CDH22: variants seen among roughly 807,000 people sequenced by gnomAD.
CDH22 encodes cadherin-22.
In CDH22, 30 loss-of-function variants were observed where a neutral mutation model predicts 58.4. The observed-to-expected ratio is 0.51, with a 90% confidence interval of 0.38 to 0.70. The LOEUF is 0.70. CDH22 is among the 30% of genes least tolerant of loss of function. CDH22 has a pLI of 0.00. For synonymous variants in CDH22, 513 were observed against 558.2 expected (o/e 0.92, Z 1.14); for missense variants, 1,014 against 1,233.9 (o/e 0.82, Z 2.67).
At chr20:46,179,195 G>A (rs1224417869) in intron 10 of CDH22, among the ~76,000 whole-genome samples, 2 of 152,222 alleles carry the variant, frequency 1.3e-5, no homozygotes, top group Non-Finnish European at 1.5e-5. Context: ...AGTGCCCAGA[G>A]CTCCGAAGGC....
intron 10 of CDH22, among the ~76,000 whole-genome samples, chr20:46,185,130 TAC>T (rs11467388): frequency 0.29 from 43,289 of 148,452 alleles, 6,541 homozygotes; most frequent in East Asian, 0.6. Context: ...CCCACACGCA[TAC>T]ACACACACAC....
chr20:46,238,388 G>A (rs1012046177), intron 3 of CDH22, among the ~76,000 whole-genome samples: 1 of 152,172 alleles, frequency 6.6e-6, no homozygotes, highest in Non-Finnish European at 1.5e-5. Context: ...AAAATTGTAT[G>A]CTAAGTTCTT....
chr20:46,273,489 C>T (rs1034719598), intron 1 of CDH22, among the ~76,000 whole-genome samples: 15 of 152,176 alleles, frequency 9.9e-5, no homozygotes, highest in African/African-American at 3.4e-4. Context: ...CATGGCACAT[C>T]GTTATGGCTC....
chr20:46,298,455 AG>A (rs1324378662), intron 1 of CDH22, among the ~76,000 whole-genome samples: 3 of 152,156 alleles, frequency 2.0e-5, no homozygotes, highest in Non-Finnish European at 4.4e-5. Flanking sequence ...AGGGTGAATG[AG>A]GGTGGAGAGA....
intron 8 of CDH22, among the ~76,000 whole-genome samples, chr20:46,197,174 C>T (rs2085910367): frequency 6.6e-6 from 1 of 152,060 alleles, no homozygotes; most frequent in Non-Finnish European, 1.5e-5. Context: ...TGCCAGTGCA[C>T]ATCTTTGGCA....
chr20:46,176,166 C>T (rs994618956), intron 11 of CDH22, among the ~76,000 whole-genome samples: 1 of 152,152 alleles, frequency 6.6e-6, no homozygotes, highest in Admixed American at 6.5e-5. Context: ...ATTCAGACCT[C>T]GGTTCTGTGT....
At position 46,174,854 on chromosome 20, in the gene CDH22, GC is replaced by G. The variant is rs1568646867; in HGVS notation, c.2138del (p.Gly713AlafsTer191). ...GGGGGCTGCCCGCGCCCCCGCCCGA[GC>G]CCCCGCCCGCTCCCCCGCCCGCGCT... Reference protein sequence around the residue: ...GGSAGGGAGGGSGGGAGSPPQ... With the variant: ...GGSAGGGAGGXSGGGAGSPPQ... On this transcript the variant is annotated frameshift_variant, in exon 12 of 12. Transcript: ENST00000537909. LOFTEE classifies it low-confidence loss of function (END_TRUNC). This position sits in a 1 kb window ranked among gnomAD's most constrained non-coding sequence, Gnocchi z 4.4. 2 of 1,113,824 alleles carry G rather than the reference GC, an allele frequency of 1.8e-6. No homozygotes were observed. The highest frequency in any genetic ancestry group is 2.3e-6 in the Non-Finnish European group (2 of 858,972). 69.0% of individuals were successfully genotyped at this position (1,113,824 alleles called of 1,614,324 possible).
intron 1 of CDH22, among the ~76,000 whole-genome samples, chr20:46,268,375 C>G (rs1053762694): frequency 3.9e-5 from 6 of 152,252 alleles, no homozygotes; most frequent in Admixed American, 6.5e-5. Context: ...CAGCTCATCT[C>G]CCGCAGCTCC....
Position 46,210,378 on chromosome 20 carries a change from C to A in CDH22, c.1215G>T (p.Glu405Asp). The A allele has an allele frequency of 6.8e-7, 1 of 1,476,718 alleles. No individual in the cohort carries two copies. Among genetic ancestry groups the A allele is most frequent in the Non-Finnish European group, 9.0e-7 (1 of 1,117,186 alleles). 91.5% of individuals were successfully genotyped at this position (1,476,718 alleles called of 1,614,324 possible). Residue 405 changes from glutamate to aspartate, a missense_variant, in exon 7 of 12, where the codon GAG becomes GAT. Glu to Asp is a conservative substitution (Grantham distance 45, BLOSUM62 2). Transcript: ENST00000537909. This position sits in a 1 kb window ranked among gnomAD's most constrained non-coding sequence, Gnocchi z 4.5. The part of the protein sequence containing the change: ...RPPSGLLEVQ[E>D]DAQVGSLVGV... Reference sequence around the variant, plus strand: ...CGACCAGGGAGCCCACCTGCGCGTCCTCCTGCACCTCCAGGAGGCCGGAGG... The same window carrying A: ...CGACCAGGGAGCCCACCTGCGCGTCATCCTGCACCTCCAGGAGGCCGGAGG...
intron 1 of CDH22, among the ~76,000 whole-genome samples, chr20:46,304,897 A>G (rs982235178): frequency 4.6e-5 from 7 of 152,166 alleles, no homozygotes; most frequent in Non-Finnish European, 8.8e-5. Flanking sequence ...TTTGCAAATT[A>G]GAGAAAGATG....
At chr20:46,284,698 A>G (rs1467538538) in intron 1 of CDH22, among the ~76,000 whole-genome samples, 2 of 152,180 alleles carry the variant, frequency 1.3e-5, no homozygotes, top group African/African-American at 4.8e-5. Context: ...CCAAGGCCAC[A>G]GGGCTGTAGA....
At chr20:46,217,925 C>T (rs1388472426) in intron 4 of CDH22, among the ~76,000 whole-genome samples, 1 of 150,634 alleles carries the variant, frequency 6.6e-6, no homozygotes, top group Non-Finnish European at 1.5e-5. Context: ...TTTCTTTTTT[C>T]TTTTCTTTCT....
intron 4 of CDH22, among the ~76,000 whole-genome samples, chr20:46,218,537 G>A (rs1463275154): frequency 6.6e-6 from 1 of 152,184 alleles, no homozygotes; most frequent in Non-Finnish European, 1.5e-5. Context: ...GTGGTGTATG[G>A]ACATAAGAAC....
intron 2 of CDH22, among the ~76,000 whole-genome samples, chr20:46,242,332 G>C (rs540445118): frequency 2.0e-5 from 3 of 152,220 alleles, no homozygotes; most frequent in Non-Finnish European, 4.4e-5. Flanking sequence ...CCTCCGGAGA[G>C]GAGCCCAGGG....
chr20:46,195,344 T>C (rs927946537), intron 8 of CDH22, among the ~76,000 whole-genome samples: 1 of 152,170 alleles, frequency 6.6e-6, no homozygotes, highest in African/African-American at 2.4e-5. Context: ...GGAAGAGCGA[T>C]CTTCACTGAA....
At chr20:46,256,194 CAGGT>C (rs1293786597) in intron 1 of CDH22, among the ~76,000 whole-genome samples, 1 of 152,116 alleles carries the variant, frequency 6.6e-6, no homozygotes, top group African/African-American at 2.4e-5. Flanking sequence ...CAAAAAGAAA[CAGGT>C]AGAGTCCTTG....
chr20:46,237,289 C>G (rs2086259952), intron 3 of CDH22, among the ~76,000 whole-genome samples: 1 of 152,172 alleles, frequency 6.6e-6, no homozygotes, highest in Admixed American at 6.5e-5. Flanking sequence ...TGGTGTGCCC[C>G]TGCTCAGAAG....
Position 46,251,468 on chromosome 20 carries a change from C to T in CDH22, c.-174G>A, listed in dbSNP as rs2086375164. On this transcript the variant is annotated 5_prime_UTR_variant, in exon 2 of 12. Coordinates refer to ENST00000537909, the MANE Select transcript of CDH22 (RefSeq NM_021248.3). The surrounding 1 kb of genome is among the most constrained non-coding windows in gnomAD (Gnocchi z 6.7). ...CCCGCGGCCCTGAACGCCGCCCAGC[C>T]GCGGGGGTACCCGGCTGGAGGGGGA... 9.2e-6 allele frequency: 6 copies of T among 653,900 alleles called. No homozygotes were observed. Among genetic ancestry groups the T allele is most frequent in the Non-Finnish European group, 1.1e-5 (5 of 458,834 alleles). 40.5% of individuals were successfully genotyped at this position (653,900 alleles called of 1,614,324 possible). A position where few individuals can be genotyped will look rare whatever the true frequency, so the allele number is the denominator to read the frequency against.
intron 4 of CDH22, among the ~76,000 whole-genome samples, chr20:46,219,585 C>T (rs1478143259): frequency 6.6e-6 from 1 of 152,156 alleles, no homozygotes; most frequent in Non-Finnish European, 1.5e-5. Flanking sequence ...GCCTTAGTTC[C>T]AAAACTGTCT....
Sources: gnomAD v4.1 joint callset for allele counts (sites outside exome capture counted in the v4.1 genomes callset) on GRCh38, gnomAD v4.1.1 for gene constraint, Gnocchi (gnomAD v3.1) non-coding constraint, MANE v1.5 for transcripts, NCBI Gene and HGNC (gene_info 2026-07-23, HGNC 2026-07-21) for gene names.